SOX5: variants seen among roughly 807,000 people sequenced by gnomAD.
The protein encoded by SOX5 is transcription factor SOX-5.
A neutral mutation model predicts 92.0 loss-of-function variants in SOX5; 9 were observed. That is an observed-to-expected ratio of 0.10 (90% CI 0.06 to 0.17). The LOEUF is 0.17. Among genes scored for constraint, SOX5 ranks in the 10% least tolerant of loss-of-function variants. The pLI, the probability that SOX5 is intolerant of heterozygous loss-of-function variation, is 1.00. For synonymous variants in SOX5, 344 were observed against 336.3 expected (o/e 1.02, Z -0.25); for missense variants, 642 against 944.5 (o/e 0.68, Z 4.20).
At chr12:24,167,409 G>C (rs1953541724) in intron 4 of SOX5, among the ~76,000 whole-genome samples, 1 of 152,192 alleles carries the variant, frequency 6.6e-6, no homozygotes, top group African/African-American at 2.4e-5. Context: ...TAGAACTAGT[G>C]GCCTGTGGAG....
intron 4 of SOX5, among the ~76,000 whole-genome samples, chr12:24,171,236 T>TTTGTTTTGTTTTG (rs1954105086): frequency 7.7e-6 from 1 of 130,216 alleles, no homozygotes; most frequent in Non-Finnish European, 1.7e-5. Context: ...TTTGTTTTTT[T>TTTGTTTTGTTTTG]TTTTGGAGAC....
intron 7 of SOX5, among the ~76,000 whole-genome samples, chr12:23,652,468 C>G (rs1295834204): frequency 6.6e-6 from 1 of 150,458 alleles, no homozygotes; most frequent in Non-Finnish European, 1.5e-5. Context: ...CAACCATATA[C>G]AAACTAATAT....
intron 2 of SOX5, among the ~76,000 whole-genome samples, chr12:23,850,717 T>C (rs1173057720): frequency 6.6e-6 from 1 of 152,244 alleles, no homozygotes; most frequent in East Asian, 1.9e-4. Flanking sequence ...TCAGGTTATC[T>C]TGATTAAAAT....
intron 2 of SOX5, among the ~76,000 whole-genome samples, chr12:23,887,559 C>T (rs1221738434): frequency 4.6e-5 from 7 of 152,134 alleles, no homozygotes; most frequent in East Asian, 3.9e-4. Flanking sequence ...CGTAAGTCTC[C>T]GGCATTGCTT....
intron 1 of SOX5, among the ~76,000 whole-genome samples, chr12:24,511,775 T>G (rs369943820): frequency 2.6e-4 from 40 of 151,924 alleles, no homozygotes; most frequent in African/African-American, 6.5e-4. Context: ...TGGCTAACAT[T>G]GTGAAACCCC....
chr12:24,336,384 C>T (rs986675638), intron 2 of SOX5, among the ~76,000 whole-genome samples: 1 of 152,098 alleles, frequency 6.6e-6, no homozygotes, highest in African/African-American at 2.4e-5. Context: ...TAAGCCACCG[C>T]GTCCAGCCGG....
intron 11 of SOX5, among the ~76,000 whole-genome samples, chr12:23,558,107 T>G (rs1945543420): frequency 6.6e-6 from 1 of 152,232 alleles, no homozygotes; most frequent in Non-Finnish European, 1.5e-5. Flanking sequence ...ATGTCATTTT[T>G]GTAATATGCC....
At chr12:23,743,417 C>A (rs1311027638) in intron 4 of SOX5, among the ~76,000 whole-genome samples, 1 of 152,190 alleles carries the variant, frequency 6.6e-6, no homozygotes, top group East Asian at 1.9e-4. Flanking sequence ...TCAAGCGATT[C>A]TCCTACCTCA....
intron 4 of SOX5, among the ~76,000 whole-genome samples, chr12:23,968,401 T>C (rs1947833998): frequency 6.6e-6 from 1 of 152,212 alleles, no homozygotes; most frequent in Non-Finnish European, 1.5e-5. Flanking sequence ...TGTTGGAAAC[T>C]TGATCTCCAA....
In SOX5 at chr12:23,948,600, CT is replaced by C. The variant is rs879891525; in HGVS notation, c.38+963del. Among the ~76,000 whole-genome samples the C allele has an allele frequency of 6.1e-3, 863 of 140,986 alleles. 3 individuals carry two copies. The highest frequency in any genetic ancestry group is 6.6e-3 in the Admixed American group (93 of 14,134). The allele number at this position is 140,986 out of a possible 152,430, so 92.5% of individuals were successfully genotyped here. A position where few individuals can be genotyped will look rare whatever the true frequency, so the allele number is the denominator to read the frequency against. ...TATCATGCATCCTGGCTTTTTTTAG[CT>C]TTTTTTTTTTTAATTCACCATACAG... is the stretch of plus-strand genomic sequence containing the variant. On this transcript the variant is annotated intron_variant, in intron 1 of 14. Transcript: ENST00000451604.
chr12:23,560,475 T>C (rs1288634253), intron 11 of SOX5, among the ~76,000 whole-genome samples: 6 of 152,176 alleles, frequency 3.9e-5, no homozygotes, highest in Admixed American at 2.0e-4. Flanking sequence ...AGAAAACATA[T>C]CTACCTTTGT....
At chr12:24,033,923 G>A (rs1344195158) in intron 4 of SOX5, among the ~76,000 whole-genome samples, 2 of 151,906 alleles carry the variant, frequency 1.3e-5, no homozygotes, top group Non-Finnish European at 2.9e-5. Context: ...ATGCTTAGTT[G>A]GGATTTGTCA....
At chr12:23,870,113 T>C (rs2096857431) in intron 2 of SOX5, among the ~76,000 whole-genome samples, 1 of 152,060 alleles carries the variant, frequency 6.6e-6, no homozygotes, top group Admixed American at 6.6e-5. Context: ...TATCATACTG[T>C]TACTCAGAAT....
intron 2 of SOX5, among the ~76,000 whole-genome samples, chr12:24,356,713 A>C (rs982733280): frequency 6.6e-6 from 1 of 151,616 alleles, no homozygotes; most frequent in Non-Finnish European, 1.5e-5. Flanking sequence ...TTTTCACCCA[A>C]ATCTTTCCTT....
chr12:24,059,177 C>A (rs1166723726), intron 4 of SOX5, among the ~76,000 whole-genome samples: 1 of 152,152 alleles, frequency 6.6e-6, no homozygotes, highest in Non-Finnish European at 1.5e-5. Flanking sequence ...AGTCTGATCT[C>A]TAAGAGATTT....
intron 6 of SOX5, among the ~76,000 whole-genome samples, chr12:23,674,765 C>A (rs1379266057): frequency 6.6e-6 from 1 of 151,730 alleles, no homozygotes; most frequent in Non-Finnish European, 1.5e-5. Context: ...TTGTTTTCTG[C>A]ACAAAATATT....
intron 4 of SOX5, among the ~76,000 whole-genome samples, chr12:24,125,548 A>T (rs895349420): frequency 1.3e-5 from 2 of 152,134 alleles, no homozygotes; most frequent in Non-Finnish European, 2.9e-5. Context: ...CTGTTTTCCC[A>T]ACTCTCTTGG....
chr12:23,775,809 ACT>A (rs1347155306), intron 3 of SOX5, among the ~76,000 whole-genome samples: 1 of 151,944 alleles, frequency 6.6e-6, no homozygotes, highest in Non-Finnish European at 1.5e-5. Flanking sequence ...CACCTGATTG[ACT>A]CTGTCTCTTA....
At chr12:24,267,713 ATATAT>A (rs1335633932) in intron 3 of SOX5, among the ~76,000 whole-genome samples, 1 of 152,182 alleles carries the variant, frequency 6.6e-6, no homozygotes, top group Non-Finnish European at 1.5e-5. Flanking sequence ...GCTTGTTCAC[ATATAT>A]TATGTTAAAG....
Sources: allele counts gnomAD v4.1 joint callset (sites outside exome capture counted in the v4.1 genomes callset), GRCh38; gene constraint gnomAD v4.1.1; transcripts MANE v1.5; gene names NCBI Gene and HGNC (gene_info 2026-07-23, HGNC 2026-07-21).